PRKCB: variants seen among roughly 807,000 people sequenced by gnomAD.
PRKCB encodes protein kinase C beta, also known as protein kinase C beta type.
In PRKCB, 13 loss-of-function variants were observed where a neutral mutation model predicts 81.5. That is an observed-to-expected ratio of 0.16 (90% CI 0.10 to 0.25). PRKCB has a LOEUF of 0.25. Ranked by LOEUF, PRKCB falls within the 10% of genes least tolerant of loss-of-function variation. The pLI is 1.00. For missense variants in PRKCB, 509 were observed against 875.7 expected, an observed-to-expected ratio of 0.58 and a Z score of 5.29; for synonymous variants, 335 against 321.4, an observed-to-expected ratio of 1.04 and a Z score of -0.45.
At chr16:24,037,216 T>C (rs1190589824) in intron 5 of PRKCB, among the ~76,000 whole-genome samples, 1 of 152,146 alleles carries the variant, frequency 6.6e-6, no homozygotes, top group Non-Finnish European at 1.5e-5. Context: ...CTAGAACTCC[T>C]GACCTCAAGT....
At chr16:23,893,055 C>G (rs1030950971) in intron 2 of PRKCB, 1 of 151,862 alleles carries the variant, frequency 6.6e-6, no homozygotes, top group Non-Finnish European at 1.5e-5. Context: ...CAGGGATGGT[C>G]TGATGGAGTG....
intron 5 of PRKCB, 35 bp from the exon 6 acceptor site, chr16:24,092,756 C>G: frequency 6.3e-7 from 1 of 1,593,880 alleles, no homozygotes; most frequent in Non-Finnish European, 8.6e-7. Context: ...ACATGTTGGA[C>G]AGTATTAATG....
At chr16:23,846,608 C>CAAAAAAAAAAAAAA (rs33919504) in intron 2 of PRKCB, among the ~76,000 whole-genome samples, 1 of 65,330 alleles carries the variant, frequency 1.5e-5, no homozygotes, top group Non-Finnish European at 2.7e-5. Flanking sequence ...GACTCCGTCT[C>CAAAAAAAAAAAAAA]AAAAAAAAAA....
intron 11 of PRKCB, among the ~76,000 whole-genome samples, chr16:24,173,190 G>A (rs1256534438): frequency 6.6e-6 from 1 of 152,126 alleles, no homozygotes; most frequent in African/African-American, 2.4e-5. Context: ...GACTGATTCT[G>A]GGTTGTTGGA....
chr16:24,125,084 T>C (rs111278974), intron 9 of PRKCB, among the ~76,000 whole-genome samples: 8 of 65,466 alleles, frequency 1.2e-4, no homozygotes, highest in African/African-American at 8.3e-4. Context: ...TCGTTACCTA[T>C]AATTAATTGC....
rs539472285 is a variant in PRKCB, at chr16:24,071,223, G to A, written c.530-21568G>A. ...CATTCTCTCTTGGCTTTCCATTTGA[G>A]ACTTACTCTGCCTTCAGACCTCTCA... On this transcript the variant is annotated intron_variant, in intron 5 of 16. Coordinates refer to ENST00000643927, the MANE Select transcript of PRKCB (RefSeq NM_002738.7). Among the ~76,000 whole-genome samples the A allele has an allele frequency of 3.4e-4, 52 of 152,114 alleles. No individual in the cohort carries two copies. The South Asian group carries it at 0.011, about 32-fold the overall frequency.
chr16:23,870,280 A>C (rs1166249293), intron 2 of PRKCB, among the ~76,000 whole-genome samples: 1 of 152,218 alleles, frequency 6.6e-6, no homozygotes. Context: ...ATTCCATATA[A>C]AATTCTTTCA....
chr16:23,932,255 A>C (rs374732298), intron 2 of PRKCB, among the ~76,000 whole-genome samples: 11 of 152,254 alleles, frequency 7.2e-5, no homozygotes, highest in African/African-American at 2.7e-4. Context: ...AGGAGAAGGA[A>C]ACATTAACTG....
At chr16:23,903,722 C>G (rs1963517719) in intron 2 of PRKCB, among the ~76,000 whole-genome samples, 3 of 152,112 alleles carry the variant, frequency 2.0e-5, no homozygotes, top group Non-Finnish European at 4.4e-5. Flanking sequence ...GAAAGTGGTT[C>G]CCACTGCCTG....
intron 10 of PRKCB, among the ~76,000 whole-genome samples, chr16:24,156,311 G>A (rs1967155649): frequency 6.6e-6 from 1 of 151,728 alleles, no homozygotes; most frequent in Non-Finnish European, 1.5e-5. Context: ...GTCTGGCTCT[G>A]TCTCCCCAGC....
chr16:24,130,957 GACCT>G (rs2141935343), intron 9 of PRKCB, among the ~76,000 whole-genome samples: 1 of 152,242 alleles, frequency 6.6e-6, no homozygotes, highest in African/African-American at 2.4e-5. Context: ...ACACACAAAA[GACCT>G]TCTGACTTTT....
In PRKCB at chr16:24,215,789, G is replaced by T. The variant is rs1410322749; in HGVS notation, c.*973G>T. The T allele has an allele frequency of 8.1e-6, 8 of 985,812 alleles. No homozygotes were observed. In the East Asian group the frequency reaches 4.5e-4, roughly 56 times the overall value. 61.1% of individuals were successfully genotyped at this position (985,812 alleles called of 1,614,324 possible). A position where few individuals can be genotyped will look rare whatever the true frequency, so the allele number is the denominator to read the frequency against. On this transcript the variant is annotated 3_prime_UTR_variant, in exon 17 of 17. Coordinates refer to ENST00000643927, the MANE Select transcript of PRKCB (RefSeq NM_002738.7). ...GAGCCTAGCAGACTCAGGCCTGTGGGAATGGGATTTGTTACAAATCTAGGT... is the reference window on the plus strand; with the variant it reads ...GAGCCTAGCAGACTCAGGCCTGTGGTAATGGGATTTGTTACAAATCTAGGT...
intron 2 of PRKCB, among the ~76,000 whole-genome samples, chr16:23,888,032 T>G (rs1963231446): frequency 6.6e-6 from 1 of 152,196 alleles, no homozygotes; most frequent in Admixed American, 6.5e-5. Flanking sequence ...TGACAGTTAA[T>G]TGCAAGAATC....
intron 5 of PRKCB, among the ~76,000 whole-genome samples, chr16:24,089,699 C>T (rs957072386): frequency 1.2e-4 from 18 of 152,072 alleles, no homozygotes; most frequent in East Asian, 3.9e-4. Flanking sequence ...CACTTGAGCC[C>T]GGGAGGTCGA....
At chr16:23,896,249 T>A (rs1963377334) in intron 2 of PRKCB, among the ~76,000 whole-genome samples, 1 of 152,222 alleles carries the variant, frequency 6.6e-6, no homozygotes, top group Admixed American at 6.5e-5. Context: ...AATTCAAGAC[T>A]TTTTTAAAGA....
intron 7 of PRKCB, among the ~76,000 whole-genome samples, chr16:24,112,420 C>T (rs535938341): frequency 1.3e-5 from 2 of 151,986 alleles, no homozygotes; most frequent in Admixed American, 1.3e-4. Flanking sequence ...GCCTATAGTC[C>T]CCAGCTACTC....
chr16:23,848,757 A>G (rs1962420889), intron 2 of PRKCB, among the ~76,000 whole-genome samples: 1 of 152,118 alleles, frequency 6.6e-6, no homozygotes, highest in Admixed American at 6.6e-5. Context: ...AACCTCTTCG[A>G]GCTTCTGTTT....
chr16:24,210,688 C>T lies in PRKCB; in HGVS notation c.1864-3970C>T, dbSNP rs9928019. On this transcript the variant is annotated intron_variant, in intron 16 of 16. Transcript: ENST00000643927. ...CTAATATTTGTATTTTTGGTAGAGACGGGGTTTCACCATGTTGCCCAGGCT... is the reference window on the plus strand; with the variant it reads ...CTAATATTTGTATTTTTGGTAGAGATGGGGTTTCACCATGTTGCCCAGGCT... Among the ~76,000 whole-genome samples, 802 of 151,998 alleles carry T rather than the reference C, an allele frequency of 5.3e-3. 8 individuals carry two copies. The highest frequency in any genetic ancestry group is 0.018 in the African/African-American group (736 of 41,466).
chr16:24,065,833 A>T (rs1176293811), intron 5 of PRKCB, among the ~76,000 whole-genome samples: 3 of 152,196 alleles, frequency 2.0e-5, no homozygotes, highest in African/African-American at 7.2e-5. Flanking sequence ...ACATCGTGAG[A>T]TCCCATCTCT....
Sources: gnomAD v4.1 joint callset for allele counts (sites outside exome capture counted in the v4.1 genomes callset) on GRCh38, gnomAD v4.1.1 for gene constraint, MANE v1.5 for transcripts, NCBI Gene and HGNC (gene_info 2026-07-23, HGNC 2026-07-21) for gene names.